The following SIRT3 variants were observed in gnomAD, a reference collection of about 807,000 sequenced individuals.
SIRT3 encodes the protein sirtuin 3, also known as NAD-dependent protein deacetylase sirtuin-3, mitochondrial.
In SIRT3, 26 loss-of-function variants were observed where a neutral mutation model predicts 33.5. The observed-to-expected ratio is 0.78, with a 90% CI of 0.57 to 1.08. The LOEUF (loss-of-function observed/expected upper bound fraction) is 1.08. SIRT3 is among the 50% of genes least tolerant of loss of function. The probability of loss-of-function intolerance (pLI) is 0.00; values close to 1 mark genes in which losing one functional copy is unlikely to be tolerated. For synonymous variants in SIRT3, 237 were observed against 222.1 expected (o/e 1.07, Z -0.60); for missense variants, 585 against 530.1 (o/e 1.10, Z -1.02).
At chr11:228,411 T>C (rs926204306) in intron 4 of SIRT3, among the ~76,000 whole-genome samples, 8 of 152,248 alleles carry the variant, frequency 5.3e-5, no homozygotes, top group Non-Finnish European at 8.8e-5. Context: ...CAAAACATTA[T>C]AGTGCAGGCA....
Position 236,260 on chromosome 11 carries a change from C to G in SIRT3, c.69G>C (p.Glu23Asp). The G allele has an allele frequency of 6.5e-7, 1 of 1,544,668 alleles. No individual in the cohort carries two copies. The highest frequency in any genetic ancestry group is 8.7e-7 in the Non-Finnish European group (1 of 1,150,050). ...GAAACGGCCCCACGCCTCCCCCGGC[C>G]TCGACCCGTTCAACTACCCGGCCCC... Reference protein sequence around the residue: ...RLWGRVVERVEAGGGVGPFQA... With the variant: ...RLWGRVVERVDAGGGVGPFQA... Residue 23 changes from glutamate (E) to aspartate (D), a missense_variant, in exon 1 of 7, where the codon GAG (glutamate) becomes GAC (aspartate). By Grantham distance (45) the Glu-to-Asp change is conservative. Coordinates refer to ENST00000382743, the MANE Select transcript of SIRT3 (RefSeq NM_012239.6).
intron 4 of SIRT3, among the ~76,000 whole-genome samples, chr11:229,118 A>G (rs539893563): frequency 6.6e-6 from 1 of 152,326 alleles, no homozygotes; most frequent in South Asian, 2.1e-4. Context: ...TGGAATGTAA[A>G]ATGGTCCAGC....
chr11:228,123 C>T (rs936008669), intron 4 of SIRT3, among the ~76,000 whole-genome samples: 1 of 152,168 alleles, frequency 6.6e-6, no homozygotes, highest in African/African-American at 2.4e-5. Context: ...CTACTCTGTT[C>T]CTACAGCTGA....
intron 1 of SIRT3, among the ~76,000 whole-genome samples, chr11:235,140 T>C (rs1338981284): frequency 6.6e-6 from 1 of 152,004 alleles, no homozygotes; most frequent in Non-Finnish European, 1.5e-5. Flanking sequence ...CCTCCCAAAG[T>C]GCTGGGATTA....
chr11:235,962 C>T (rs1272556026), intron 1 of SIRT3, 86 bp downstream of exon 1: 1 of 1,379,052 alleles, frequency 7.3e-7, no homozygotes, highest in African/African-American at 1.5e-5. Context: ...CCAGACATGC[C>T]GCAAAGGAAA....
At chr11:231,301 T>A (rs180735474) in intron 3 of SIRT3, among the ~76,000 whole-genome samples, 1 of 152,068 alleles carries the variant, frequency 6.6e-6, no homozygotes, top group Admixed American at 6.5e-5. Flanking sequence ...CCAGGCATGG[T>A]AGTGCATGCC....
rs757966263 is a variant in SIRT3, at chr11:233,438, C to T, written c.378G>A (p.Gln126=). The change falls in exon 2 of 7, where the codon CAG becomes CAA. Residue 126 remains glutamine, a synonymous_variant. Coordinates refer to ENST00000382743, the MANE Select transcript of SIRT3 (RefSeq NM_012239.6). ...GSSDKGKLSL[Q]DVAELIRARA... ...TGGCCCGAATCAGCTCAGCTACATC[C>T]TGCAGGGAAAGCTTCCCCTTGTCAC... 2.5e-6 allele frequency: 4 copies of T among 1,614,090 alleles called. No homozygotes were observed. In the South Asian group the frequency reaches 3.3e-5, roughly 13 times the overall value.
rs747320623 is a variant in SIRT3, at chr11:219,002, A to C, written c.1009T>G (p.Ser337Ala). The C allele has an allele frequency of 6.2e-7, 1 of 1,614,052 alleles. No homozygotes were observed. Among genetic ancestry groups the C allele is most frequent in the South Asian group, 1.1e-5 (1 of 91,062 alleles). Residue 337 changes from serine to alanine, a missense_variant, in exon 6 of 7, where the codon TCA becomes GCA. Coordinates refer to ENST00000382743, the MANE Select transcript of SIRT3 (RefSeq NM_012239.6). ...CGGTTGATGAGCAGTCGGGGAACTG[A>C]GCTCCGCACGGCCTCGGTCAAGCTG... ...FASLTEAVRS[S>A]VPRLLINRDL...
chr11:225,042 G>GA (rs1200845814), intron 4 of SIRT3, among the ~76,000 whole-genome samples: 1 of 145,712 alleles, frequency 6.9e-6, no homozygotes, highest in East Asian at 2.0e-4. Flanking sequence ...AAATTAAAAA[G>GA]AAAAAACTGT....
intron 4 of SIRT3, among the ~76,000 whole-genome samples, chr11:229,275 C>CCCTG (rs78133965): frequency 1.5e-4 from 22 of 151,676 alleles, no homozygotes; most frequent in East Asian, 9.7e-4. Flanking sequence ...CATGGTGAAA[C>CCCTG]TACTCTACTA....
chr11:234,685 A>G (rs11246022), intron 1 of SIRT3, among the ~76,000 whole-genome samples: 23,774 of 151,524 alleles, frequency 0.16, 2,352 homozygotes, highest in Middle Eastern at 0.22. Flanking sequence ...AAAGTGCTGG[A>G]ATTACAGGCG....
chr11:230,111 G>A (rs914482440), intron 4 of SIRT3, among the ~76,000 whole-genome samples: 1 of 151,838 alleles, frequency 6.6e-6, no homozygotes, highest in Admixed American at 6.6e-5. Context: ...TACTTAGGAG[G>A]CTGAGGCAGA....
chr11:216,573 G>T lies in SIRT3; in HGVS notation c.*125C>A. ...GAAGACATTCCAGTGGCAGCCTCGGGTGTCCACTCAGTTCACATATTCTGG... is the reference window on the plus strand; with the variant it reads ...GAAGACATTCCAGTGGCAGCCTCGGTTGTCCACTCAGTTCACATATTCTGG... On this transcript the variant is annotated 3_prime_UTR_variant, in exon 7 of 7. Coordinates refer to ENST00000382743, the MANE Select transcript of SIRT3 (RefSeq NM_012239.6). 9.6e-7 allele frequency: 1 copy of T among 1,038,304 alleles called. No homozygotes were observed. Among genetic ancestry groups the T allele is most frequent in the African/African-American group, 1.6e-5 (1 of 63,876 alleles). 64.3% of individuals were successfully genotyped at this position (1,038,304 alleles called of 1,614,324 possible). A position where few individuals can be genotyped will look rare whatever the true frequency, so the allele number is the denominator to read the frequency against.
chr11:229,243 G>A (rs1857572031), intron 4 of SIRT3, among the ~76,000 whole-genome samples: 1 of 152,002 alleles, frequency 6.6e-6, no homozygotes, highest in East Asian at 1.9e-4. Context: ...ACGAGGTCAA[G>A]AGATCGAGAC....
intron 4 of SIRT3, among the ~76,000 whole-genome samples, chr11:225,444 ACTAT>A (rs1381879621): frequency 6.6e-6 from 1 of 151,972 alleles, no homozygotes; most frequent in Non-Finnish European, 1.5e-5. Context: ...AAAACAAAAA[ACTAT>A]CTATTAAAGA....
At chr11:221,471 A>G (rs1310837407) in intron 5 of SIRT3, among the ~76,000 whole-genome samples, 1 of 152,232 alleles carries the variant, frequency 6.6e-6, no homozygotes, top group Non-Finnish European at 1.5e-5. Context: ...TCAGTAAGAA[A>G]TTGCTTACAT....
intron 1 of SIRT3, among the ~76,000 whole-genome samples, chr11:235,232 G>C (rs902024230): frequency 6.6e-6 from 1 of 151,242 alleles, no homozygotes; most frequent in Admixed American, 6.6e-5. Flanking sequence ...GTAGATAAGA[G>C]TCTTGCTCTG....
At position 233,368 on chromosome 11, in the gene SIRT3, T is replaced by A; in HGVS notation, c.448A>T (p.Thr150Ser). The A allele has an allele frequency of 6.2e-7, 1 of 1,613,870 alleles. No individual in the cohort carries two copies. The highest frequency in any genetic ancestry group is 8.5e-7 in the Non-Finnish European group (1 of 1,179,926). The change falls in exon 2 of 7, where the codon ACA becomes TCA. Residue 150 changes from threonine (T) to serine (S), a missense_variant. By Grantham distance (58) the Thr-to-Ser change is moderately conservative. Coordinates refer to ENST00000382743, the MANE Select transcript of SIRT3 (RefSeq NM_012239.6). The stretch of plus-strand genomic sequence containing the variant: ...CTGAAGTCTGGAATGCCACTGGGTG[T>A]GCTGATGCCGGCCCCCACCATGACC... ...VVVMVGAGIS[T>S]PSGIPDFRSP...
In SIRT3 at chr11:216,650, G is replaced by A. The variant is rs200036594; in HGVS notation, c.*48C>T. 3.1e-4 allele frequency: 494 copies of A among 1,609,420 alleles called. No homozygotes were observed. The highest frequency in any genetic ancestry group is 3.7e-4 in the Non-Finnish European group (439 of 1,176,082). On this transcript the variant is annotated 3_prime_UTR_variant, in exon 7 of 7. Transcript: ENST00000382743. ...CATGAGGTCTTGTCAGAATTGGGAT[G>A]TGGATGTCTCCTATGTTACCATTTA...
Sources: gnomAD v4.1 joint callset for allele counts (sites outside exome capture counted in the v4.1 genomes callset) on GRCh38, gnomAD v4.1.1 for gene constraint, MANE v1.5 for transcripts, NCBI Gene and HGNC (gene_info 2026-07-23, HGNC 2026-07-21) for gene names.